CMTM7: variants seen among roughly 807,000 people sequenced by gnomAD.
CMTM7 encodes the protein CKLF-like MARVEL transmembrane domain-containing protein 7.
Under a neutral mutation model 19.3 loss-of-function variants are expected in CMTM7, and 7 were observed. The ratio of observed to expected loss-of-function variants is 0.36; its 90% CI spans 0.21 to 0.68. The LOEUF is 0.68. Ranked by LOEUF, CMTM7 falls within the 30% of genes least tolerant of loss-of-function variation. CMTM7 has a pLI of 0.60. For synonymous variants in CMTM7, 87 were observed against 99.3 expected, an observed-to-expected ratio of 0.88 and a Z score of 0.74; for missense variants, 193 against 232.6, an observed-to-expected ratio of 0.83 and a Z score of 1.11.
At chr3:32,416,267 T>C (rs2652585) in intron 1 of CMTM7, among the ~76,000 whole-genome samples, 63,380 of 151,338 alleles carry the variant, frequency 0.42, 13,544 homozygotes, top group South Asian at 0.47. Flanking sequence ...GGTGCGATCT[T>C]GACTCACTGC....
At chr3:32,435,142 G>A (rs747834819) in intron 1 of CMTM7, among the ~76,000 whole-genome samples, 4 of 152,174 alleles carry the variant, frequency 2.6e-5, no homozygotes, top group Middle Eastern at 3.2e-3. Context: ...GGTGGCTCAC[G>A]CCTGTAATCT....
intron 1 of CMTM7, among the ~76,000 whole-genome samples, chr3:32,440,355 A>G (rs1363824971): frequency 6.6e-6 from 1 of 152,028 alleles, no homozygotes; most frequent in African/African-American, 2.4e-5. Flanking sequence ...GCAGTGAGCC[A>G]AGATCATGCT....
intron 1 of CMTM7, among the ~76,000 whole-genome samples, chr3:32,417,209 A>G (rs960938294): frequency 1.3e-5 from 2 of 152,146 alleles, no homozygotes; most frequent in Admixed American, 1.3e-4. Context: ...AAATTCCCTC[A>G]TGCTGCCCCT....
intron 1 of CMTM7, among the ~76,000 whole-genome samples, chr3:32,400,886 G>A (rs1196998097): frequency 6.6e-6 from 1 of 152,178 alleles, no homozygotes; most frequent in Non-Finnish European, 1.5e-5. Flanking sequence ...GAGAATCCTG[G>A]TGTACAAATC....
At chr3:32,453,629 C>G (rs1409462944) in intron 4 of CMTM7, among the ~76,000 whole-genome samples, 1 of 152,142 alleles carries the variant, frequency 6.6e-6, no homozygotes, top group Non-Finnish European at 1.5e-5. Context: ...CTAGAGCAGG[C>G]AGATTCATAG....
intron 3 of CMTM7, chr3:32,451,872 G>C (rs1000207394): frequency 8.1e-6 from 3 of 371,130 alleles, no homozygotes; most frequent in African/African-American, 6.4e-5. Context: ...GTCTAATATT[G>C]TTTAATATGT....
intron 1 of CMTM7, among the ~76,000 whole-genome samples, chr3:32,423,556 C>G (rs1356867043): frequency 6.6e-6 from 1 of 152,214 alleles, no homozygotes; most frequent in Non-Finnish European, 1.5e-5. Flanking sequence ...GTCTCTGTCA[C>G]TGACATTCTT....
intron 1 of CMTM7, among the ~76,000 whole-genome samples, chr3:32,418,976 T>C (rs1172827167): frequency 2.0e-5 from 3 of 152,236 alleles, no homozygotes; most frequent in Admixed American, 1.3e-4. Context: ...GCATATCCAT[T>C]TGGGGAGAAT....
chr3:32,430,647 A>G (rs1442325108), intron 1 of CMTM7, among the ~76,000 whole-genome samples: 2 of 142,452 alleles, frequency 1.4e-5, no homozygotes, highest in African/African-American at 5.2e-5. Context: ...CTTGTCTCCA[A>G]CTGAAGCATC....
chr3:32,402,492 G>C (rs779784894), intron 1 of CMTM7, among the ~76,000 whole-genome samples: 3 of 152,110 alleles, frequency 2.0e-5, no homozygotes, highest in Non-Finnish European at 4.4e-5. Context: ...ACTCCCAAAG[G>C]GTTGCCCTGA....
rs78765438 is a variant in CMTM7 at position 32,447,773 on chromosome 3, G to A, written c.334-1681G>A. ...TGGCTTTCTTTTGGTTGTTGTTTGC[G>A]TGCCATTTCCTTATCTTTGAATATA... On this transcript the variant is annotated intron_variant, in intron 2 of 4. Transcript: ENST00000334983. Among the ~76,000 whole-genome samples, 8 of 152,036 alleles carry A rather than the reference G, an allele frequency of 5.3e-5. No individual in the cohort carries two copies. The East Asian group carries it at 5.8e-4, about 11-fold the overall frequency.
intron 1 of CMTM7, among the ~76,000 whole-genome samples, chr3:32,430,714 T>TGTGTGTGTGTGTGTGAGAGA (rs10634592): frequency 6.7e-6 from 1 of 149,596 alleles, no homozygotes; most frequent in Non-Finnish European, 1.5e-5. Flanking sequence ...TGTGTGTGTG[T>TGTGTGTGTGTGTGTGAGAGA]GACACAGCTC....
intron 1 of CMTM7, among the ~76,000 whole-genome samples, chr3:32,429,419 G>A (rs548382491): frequency 2.0e-5 from 3 of 150,588 alleles, no homozygotes; most frequent in Admixed American, 6.6e-5. Flanking sequence ...TCAGCCTCCC[G>A]AGTAGCTGGG....
chr3:32,442,787 G>A, intron 2 of CMTM7, among the ~76,000 whole-genome samples: 1 of 152,106 alleles, frequency 6.6e-6, no homozygotes, highest in East Asian at 1.9e-4. Flanking sequence ...TTCATATGCC[G>A]TATTGTTCAC....
chr3:32,424,706 T>C (rs1425578425), intron 1 of CMTM7, among the ~76,000 whole-genome samples: 1 of 151,708 alleles, frequency 6.6e-6, no homozygotes, highest in African/African-American at 2.4e-5. Context: ...GTGCAGTGGC[T>C]TGATCATGGC....
Position 32,449,689 on chromosome 3 carries a change from A to G in CMTM7, c.432+137A>G, listed in dbSNP as rs182240234. On this transcript the variant is annotated intron_variant, in intron 3 of 4. Coordinates refer to ENST00000334983, the MANE Select transcript of CMTM7 (RefSeq NM_138410.4). This position sits in a 1 kb window ranked among gnomAD's most constrained non-coding sequence, Gnocchi z 4.5. ...CAATACCTACCTTGATCCAGCCATC[A>G]GCTCTCTCCAAAGAGCCTTAAGCAG... 2.4e-4 allele frequency: 175 copies of G among 716,244 alleles called. 1 individual carries two copies. The East Asian group carries it at 3.2e-3, about 13-fold the overall frequency. 44.4% of individuals were successfully genotyped at this position (716,244 alleles called of 1,614,324 possible). A position where few individuals can be genotyped will look rare whatever the true frequency, so the allele number is the denominator to read the frequency against.
At chr3:32,419,393 T>C (rs964873504) in intron 1 of CMTM7, among the ~76,000 whole-genome samples, 2 of 152,322 alleles carry the variant, frequency 1.3e-5, no homozygotes, top group African/African-American at 4.8e-5. Flanking sequence ...TCTTACCTTA[T>C]TGCAACTTCC....
intron 1 of CMTM7, among the ~76,000 whole-genome samples, chr3:32,425,245 T>C (rs762157366): frequency 6.6e-5 from 10 of 152,190 alleles, no homozygotes; most frequent in Non-Finnish European, 1.2e-4. Flanking sequence ...TAATTATCAT[T>C]ATTGGTATTA....
intron 1 of CMTM7, among the ~76,000 whole-genome samples, chr3:32,407,332 T>C (rs1216139768): frequency 2.6e-5 from 4 of 152,182 alleles, no homozygotes; most frequent in African/African-American, 4.8e-5. Flanking sequence ...GAAAGAGTTG[T>C]GTTATATTTT....
Sources: gnomAD v4.1 joint callset for allele counts (sites outside exome capture counted in the v4.1 genomes callset) on GRCh38, gnomAD v4.1.1 for gene constraint, Gnocchi (gnomAD v3.1) non-coding constraint, MANE v1.5 for transcripts, NCBI Gene and HGNC (gene_info 2026-07-23, HGNC 2026-07-21) for gene names.